LINGO1: variants seen among roughly 807,000 people sequenced by gnomAD.
LINGO1 encodes the protein leucine-rich repeat and immunoglobulin-like domain-containing nogo receptor-interacting protein 1.
A neutral mutation model predicts 37.3 loss-of-function variants in LINGO1; 11 were observed. The ratio of observed to expected loss-of-function variants is 0.29; its 90% confidence interval spans 0.19 to 0.49. LINGO1 has a LOEUF of 0.49. LINGO1 is among the 20% of genes least tolerant of loss of function. The pLI is 0.99. For synonymous variants in LINGO1, 387 were observed against 403.0 expected (o/e 0.96, Z 0.48); for missense variants, 585 against 878.2 (o/e 0.67, Z 4.22).
At chr15:77,777,731 G>C (rs1026175287) in intron 1 of LINGO1, among the ~76,000 whole-genome samples, 1 of 152,148 alleles carries the variant, frequency 6.6e-6, no homozygotes, top group Non-Finnish European at 1.5e-5. Context: ...TTTGAGGCCA[G>C]CCTAGGAAAC....
chr15:77,783,269 G>A lies in LINGO1; in HGVS notation c.-257+3600C>T, dbSNP rs74389538. ...AAGATGGGAAGCTACCTGAGGGGAGGAGCAGTGTGCATAACGTTCTAGCTG... is the reference window on the plus strand; with the variant it reads ...AAGATGGGAAGCTACCTGAGGGGAGAAGCAGTGTGCATAACGTTCTAGCTG... On this transcript the variant is annotated intron_variant, in intron 1 of 3. Transcript: ENST00000561686. Among the ~76,000 whole-genome samples, 60 of 152,338 alleles carry A rather than the reference G, an allele frequency of 3.9e-4. No individual in the cohort carries two copies. In the East Asian group the frequency reaches 0.011, roughly 28 times the overall value.
intron 2 of LINGO1, among the ~76,000 whole-genome samples, chr15:77,713,647 G>C (rs1464875641): frequency 6.6e-6 from 1 of 152,058 alleles, no homozygotes; most frequent in Non-Finnish European, 1.5e-5. Context: ...ACACACGAGT[G>C]TATGTATAAC....
At position 77,811,804 on chromosome 15, in the gene LINGO1, A is replaced by G. The variant is rs975230138; in HGVS notation, c.-458+8454T>C. 2.6e-4 allele frequency among the ~76,000 whole-genome samples: 39 copies of G among 152,258 alleles called. 1 individual carries two copies. The highest frequency in any genetic ancestry group is 8.8e-5 in the Non-Finnish European group (6 of 68,046). On this transcript the variant is annotated intron_variant, in intron 1 of 5. Coordinates refer to the LINGO1 transcript ENST00000562933. ...GGTGTGAAAAGGCTTGATGTCTATA[A>G]TTTAAAATACTCTGGAAAAAACAGA...
intron 2 of LINGO1, among the ~76,000 whole-genome samples, chr15:77,708,463 T>A (rs2075879538): frequency 6.6e-6 from 1 of 151,984 alleles, no homozygotes; most frequent in Admixed American, 6.6e-5. Flanking sequence ...AGGTACTAGG[T>A]TGAATAGTGT....
intron 1 of LINGO1, among the ~76,000 whole-genome samples, chr15:77,743,167 C>A (rs982119979): frequency 3.9e-5 from 6 of 152,106 alleles, no homozygotes; most frequent in Non-Finnish European, 8.8e-5. Flanking sequence ...ACCCCATGCT[C>A]CCCCTGCCAG....
intron 2 of LINGO1, among the ~76,000 whole-genome samples, chr15:77,705,174 G>GACACACACACACACACACACACAC (rs72451354): frequency 0.054 from 5,275 of 98,490 alleles, 385 homozygotes; most frequent in Admixed American, 0.081. Context: ...CCCCTGCCAT[G>GACACACACACACACACACACACAC]ACACACACAC....
intron 1 of LINGO1, among the ~76,000 whole-genome samples, chr15:77,782,212 TACACACACACACACAC>T (rs56734688): frequency 3.3e-5 from 5 of 150,042 alleles, no homozygotes; most frequent in East Asian, 2.0e-4. Context: ...TGCGCACGCG[TACACACACACACACAC>T]ACACACACAC....
upstream of LINGO1, among the ~76,000 whole-genome samples, chr15:77,637,714 G>A (rs2074422896): frequency 6.6e-6 from 1 of 152,152 alleles, no homozygotes; most frequent in Non-Finnish European, 1.5e-5. This position sits in a 1 kb window ranked among gnomAD's most constrained non-coding sequence, Gnocchi z 4.6. Flanking sequence ...TCTAGCCTAA[G>A]GTCCCTTTCA....
chr15:77,761,286 A>ATTG (rs1335709675), intron 1 of LINGO1, among the ~76,000 whole-genome samples: 1 of 152,088 alleles, frequency 6.6e-6, no homozygotes, highest in African/African-American at 2.4e-5. Context: ...GCTCCAGTGC[A>ATTG]TTGGGTGGGG....
intron 2 of LINGO1, chr15:77,720,716 C>T (rs991030318): frequency 6.6e-6 from 1 of 152,040 alleles, no homozygotes; most frequent in East Asian, 1.9e-4. Context: ...CTTCCCCTCT[C>T]GGGCACCCGC....
At chr15:77,739,949 C>T (rs746997787) in intron 1 of LINGO1, among the ~76,000 whole-genome samples, 7 of 152,252 alleles carry the variant, frequency 4.6e-5, no homozygotes, top group Non-Finnish European at 1.0e-4. Context: ...TTCACATATT[C>T]AGCCAGTGTT....
At position 77,654,624 on chromosome 15, in the gene LINGO1, G is replaced by C. The variant is rs150357763; in HGVS notation, c.-13+22465C>G. On this transcript the variant is annotated intron_variant, in intron 3 of 3. Transcript: ENST00000559893. Reference sequence around the variant, plus strand: ...GATGCTAGATAGGGGCCTCCAGTCTGTGAGAGGTGGAGGGAGTCATGGGAG... The same window carrying C: ...GATGCTAGATAGGGGCCTCCAGTCTCTGAGAGGTGGAGGGAGTCATGGGAG... 2.0e-5 allele frequency among the ~76,000 whole-genome samples: 3 copies of C among 152,216 alleles called. No homozygotes were observed. The East Asian group carries it at 5.8e-4, about 29-fold the overall frequency.
At chr15:77,814,512 C>A (rs1286564660) in intron 1 of LINGO1, among the ~76,000 whole-genome samples, 1 of 152,222 alleles carries the variant, frequency 6.6e-6, no homozygotes. Flanking sequence ...TCCAACCTGA[C>A]CCACTTCCCT....
chr15:77,727,282 T>A (rs1290186769), intron 2 of LINGO1, among the ~76,000 whole-genome samples: 1 of 152,224 alleles, frequency 6.6e-6, no homozygotes, highest in Non-Finnish European at 1.5e-5. Context: ...AAGAGGTATG[T>A]GCACACTCAT....
At chr15:77,786,038 A>G (rs1380336268) in intron 1 of LINGO1, among the ~76,000 whole-genome samples, 1 of 152,152 alleles carries the variant, frequency 6.6e-6, no homozygotes, top group African/African-American at 2.4e-5. Flanking sequence ...CATTATGTCC[A>G]TTGTGCATAT....
chr15:77,650,758 G>T (rs2074742187), intron 3 of LINGO1, among the ~76,000 whole-genome samples: 2 of 152,196 alleles, frequency 1.3e-5, no homozygotes, highest in Admixed American at 1.3e-4. Flanking sequence ...GCTGGAGGCA[G>T]TGAGGAAGTC....
At chr15:77,630,343 G>A (rs1039932315) in intron 1 of LINGO1, among the ~76,000 whole-genome samples, 3 of 152,190 alleles carry the variant, frequency 2.0e-5, no homozygotes, top group African/African-American at 7.2e-5. Context: ...GGCGCCTGAA[G>A]AGCAGCACCA....
chr15:77,679,087 G>A (rs1166240155), intron 2 of LINGO1, among the ~76,000 whole-genome samples: 2 of 152,084 alleles, frequency 1.3e-5, no homozygotes, highest in Admixed American at 6.5e-5. Context: ...TTTTAGTAGA[G>A]ATGGGGTTTC....
rs536959848 is a variant in LINGO1, at chr15:77,795,703, C to T, written c.-343+236G>A. On this transcript the variant is annotated intron_variant, in intron 2 of 5. Coordinates refer to the LINGO1 transcript ENST00000562933. ...CCCATGCCACGCGGGAACCCATTAG[C>T]CGGCACTGTCCGTGAAACCCACTTG... Among the ~76,000 whole-genome samples the T allele has an allele frequency of 3.4e-4, 52 of 152,362 alleles. 2 individuals carry two copies. In the South Asian group the frequency reaches 9.9e-3, roughly 29 times the overall value.
Sources: gnomAD v4.1 joint callset for allele counts (sites outside exome capture counted in the v4.1 genomes callset) on GRCh38, gnomAD v4.1.1 for gene constraint, Gnocchi (gnomAD v3.1) non-coding constraint, MANE v1.5 for transcripts, NCBI Gene and HGNC (gene_info 2026-07-23, HGNC 2026-07-21) for gene names.